The following SLC8A1 variants were observed in gnomAD, a reference collection of about 807,000 sequenced individuals.
SLC8A1 encodes solute carrier family 8 member A1.
In SLC8A1, 18 loss-of-function variants were observed where a neutral mutation model predicts 68.3. The observed-to-expected ratio is 0.26, with a 90% CI of 0.18 to 0.39. SLC8A1 has a LOEUF of 0.39. Ranked by LOEUF, SLC8A1 falls within the 10% of genes least tolerant of loss-of-function variation. The probability of loss-of-function intolerance (pLI) is 1.00; values close to 1 mark genes in which losing one functional copy is unlikely to be tolerated. For missense variants in SLC8A1, 985 were observed against 1,156.7 expected (o/e 0.85, Z 2.15); for synonymous variants, 475 against 415.5 (o/e 1.14, Z -1.74).
intron 2 of SLC8A1, among the ~76,000 whole-genome samples, chr2:40,264,878 G>A (rs1263099295): frequency 2.6e-5 from 4 of 152,082 alleles, no homozygotes; most frequent in African/African-American, 4.8e-5. Flanking sequence ...TGTCATTAAT[G>A]ACCATTAATT....
intron 2 of SLC8A1, among the ~76,000 whole-genome samples, chr2:40,416,106 C>T (rs1693804144): frequency 6.8e-6 from 1 of 146,778 alleles, no homozygotes; most frequent in Non-Finnish European, 1.5e-5. Context: ...AGACAGCAAG[C>T]ACAGAGATGT....
chr2:40,270,757 G>T (rs2065924316), intron 2 of SLC8A1, among the ~76,000 whole-genome samples: 1 of 152,184 alleles, frequency 6.6e-6, no homozygotes, highest in South Asian at 2.1e-4. Context: ...TGGACATCTT[G>T]GGTGGGAGCA....
intron 2 of SLC8A1, among the ~76,000 whole-genome samples, chr2:40,339,664 G>T (rs1268226394): frequency 6.6e-6 from 1 of 152,182 alleles, no homozygotes; most frequent in East Asian, 1.9e-4. Flanking sequence ...TATCACCAAT[G>T]AATGTCTCAC....
intron 2 of SLC8A1, among the ~76,000 whole-genome samples, chr2:40,332,478 G>C (rs192908935): frequency 6.6e-5 from 10 of 152,028 alleles, no homozygotes; most frequent in African/African-American, 1.7e-4. Flanking sequence ...TCTTTATCCC[G>C]TGAGTTCATT....
chr2:40,264,622 T>C (rs2065122259), intron 2 of SLC8A1, among the ~76,000 whole-genome samples: 1 of 152,112 alleles, frequency 6.6e-6, no homozygotes, highest in Admixed American at 6.6e-5. Flanking sequence ...ACACCGCGTG[T>C]TCTCACTCAT....
At chr2:40,273,803 G>T (rs1206947661) in intron 2 of SLC8A1, among the ~76,000 whole-genome samples, 3 of 151,926 alleles carry the variant, frequency 2.0e-5, no homozygotes, top group Middle Eastern at 3.2e-3. Context: ...CTCACTAAGG[G>T]GCACTTGCAC....
intron 1 of SLC8A1, among the ~76,000 whole-genome samples, chr2:40,475,646 A>T (rs1336961971): frequency 6.6e-6 from 1 of 152,104 alleles, no homozygotes; most frequent in Non-Finnish European, 1.5e-5. Flanking sequence ...ACATGTACAC[A>T]TGCATACATG....
At chr2:40,178,581 C>G in intron 2 of SLC8A1, 88 bp from the exon 3 acceptor site, 6 of 1,106,198 alleles carry the variant, frequency 5.4e-6, no homozygotes, top group Non-Finnish European at 8.0e-6. Context: ...GGTTAACCAG[C>G]TGCACTTTCA....
intron 2 of SLC8A1, among the ~76,000 whole-genome samples, chr2:40,347,869 T>A (rs1669844832): frequency 6.6e-6 from 1 of 152,146 alleles, no homozygotes; most frequent in Non-Finnish European, 1.5e-5. Context: ...ATATAATTAA[T>A]AACAAAGATA....
Position 40,234,175 on chromosome 2 carries a change from T to C in SLC8A1, c.1809-56320A>G, listed in dbSNP as rs556920517. On this transcript the variant is annotated intron_variant, in intron 2 of 7. Coordinates refer to ENST00000406785, the Ensembl canonical transcript of SLC8A1. ...CTTGATGGGGATGGCATTGAATCTGTAAATTACCTTGGGCAGTATGGCCAT... is the reference window on the plus strand; with the variant it reads ...CTTGATGGGGATGGCATTGAATCTGCAAATTACCTTGGGCAGTATGGCCAT... Among the ~76,000 whole-genome samples, 318 of 152,272 alleles carry C rather than the reference T, an allele frequency of 2.1e-3. 1 individual carries two copies. The highest frequency in any genetic ancestry group is 3.6e-3 in the Non-Finnish European group (243 of 68,020).
At chr2:40,221,326 C>T (rs1293125384) in intron 2 of SLC8A1, among the ~76,000 whole-genome samples, 1 of 152,148 alleles carries the variant, frequency 6.6e-6, no homozygotes, top group Non-Finnish European at 1.5e-5. Flanking sequence ...CAGTAAAATT[C>T]AACACCCCTT....
chr2:40,308,606 C>G (rs1434434565), intron 2 of SLC8A1, among the ~76,000 whole-genome samples: 1 of 151,822 alleles, frequency 6.6e-6, no homozygotes, highest in Non-Finnish European at 1.5e-5. Flanking sequence ...TATCATAGTG[C>G]TATACTTTAC....
chr2:40,398,894 T>G (rs1687831057), intron 2 of SLC8A1, among the ~76,000 whole-genome samples: 1 of 152,216 alleles, frequency 6.6e-6, no homozygotes, highest in Non-Finnish European at 1.5e-5. Context: ...TTCTGATGTT[T>G]GCAAAATTTG....
chr2:40,320,412 T>G (rs896672104), intron 2 of SLC8A1, among the ~76,000 whole-genome samples: 3 of 152,174 alleles, frequency 2.0e-5, no homozygotes, highest in African/African-American at 7.2e-5. Context: ...TGGCATTAGC[T>G]GATGGACTTC....
chr2:40,392,647 C>A (rs747264440), intron 2 of SLC8A1, among the ~76,000 whole-genome samples: 1 of 152,044 alleles, frequency 6.6e-6, no homozygotes, highest in African/African-American at 2.4e-5. Context: ...CCACAGCCTT[C>A]CAAGATTTTG....
chr2:40,471,764 A>G (rs1190407330), intron 1 of SLC8A1, among the ~76,000 whole-genome samples: 1 of 152,244 alleles, frequency 6.6e-6, no homozygotes, highest in Non-Finnish European at 1.5e-5. Context: ...TTTTGAAATT[A>G]CAAATAGTAA....
chr2:40,417,044 G>C (rs1431481275), intron 2 of SLC8A1, among the ~76,000 whole-genome samples: 2 of 152,068 alleles, frequency 1.3e-5, no homozygotes, highest in Non-Finnish European at 2.9e-5. Flanking sequence ...CTGCAAAGGA[G>C]CATTTTAAAA....
chr2:40,182,839 C>T (rs1314426475), intron 2 of SLC8A1, among the ~76,000 whole-genome samples: 1 of 152,140 alleles, frequency 6.6e-6, no homozygotes, highest in Non-Finnish European at 1.5e-5. Context: ...ACTTAAGCCT[C>T]AATTTGTCCT....
At chr2:40,247,843 G>T (rs1028183894) in intron 2 of SLC8A1, among the ~76,000 whole-genome samples, 1 of 152,108 alleles carries the variant, frequency 6.6e-6, no homozygotes, top group Non-Finnish European at 1.5e-5. Context: ...GGTCTTGCAG[G>T]TAATTAATTA....
Sources: allele counts gnomAD v4.1 joint callset (sites outside exome capture counted in the v4.1 genomes callset), GRCh38; gene constraint gnomAD v4.1.1; transcripts MANE v1.5; gene names NCBI Gene and HGNC (gene_info 2026-07-23, HGNC 2026-07-21).